Variants in LYPLAL1 observed in about 807,000 individuals in gnomAD.
The protein encoded by LYPLAL1 is lysophospholipase like 1.
A neutral mutation model predicts 19.7 loss-of-function variants in LYPLAL1; 23 were observed. That is an observed-to-expected ratio of 1.17 (90% CI 0.84 to 1.65). LYPLAL1 has a LOEUF of 1.65. Among genes scored for constraint, LYPLAL1 ranks in the 40% most tolerant of loss-of-function variants. The pLI is 0.00. For synonymous variants in LYPLAL1, 119 were observed against 96.3 expected (o/e 1.24, Z -1.38); for missense variants, 355 against 279.4 (o/e 1.27, Z -1.93).
At chr1:219,268,735 ACT>A in the LYPLAL1 span, among the ~76,000 whole-genome samples, 298 of 152,244 alleles carry the variant, frequency 2.0e-3, 3 homozygotes, top group African/African-American at 6.9e-3. Flanking sequence ...CTCTAGGGAA[ACT>A]CTTGTCAATT....
At chr1:219,191,773 C>T (rs1657202384) in intron 2 of LYPLAL1, among the ~76,000 whole-genome samples, 1 of 151,410 alleles carries the variant, frequency 6.6e-6, no homozygotes, top group South Asian at 2.1e-4. Context: ...TATGTATCTG[C>T]ATAAACTTAG....
At chr1:219,387,971 G>A in the LYPLAL1 span, among the ~76,000 whole-genome samples, 1 of 152,140 alleles carries the variant, frequency 6.6e-6, no homozygotes, top group African/African-American at 2.4e-5. Context: ...ATCAGCCTTA[G>A]CCTAAACACC....
chr1:219,242,735 A>T, the LYPLAL1 span, among the ~76,000 whole-genome samples: 1 of 150,852 alleles, frequency 6.6e-6, no homozygotes, highest in Non-Finnish European at 1.5e-5. Flanking sequence ...ATATATAAAT[A>T]TAGTTGTAAA....
intron 3 of LYPLAL1, among the ~76,000 whole-genome samples, chr1:219,205,132 T>G (rs993244732): frequency 1.3e-5 from 2 of 150,684 alleles, no homozygotes; most frequent in South Asian, 2.1e-4. Flanking sequence ...CCGAGGCGGG[T>G]GGATCATGAG....
the LYPLAL1 span, among the ~76,000 whole-genome samples, chr1:219,256,832 A>G: frequency 6.6e-6 from 1 of 152,050 alleles, no homozygotes; most frequent in South Asian, 2.1e-4. Flanking sequence ...ATCAAGAAGT[A>G]TACTACTTCT....
chr1:219,346,426 G>A, the LYPLAL1 span, among the ~76,000 whole-genome samples: 33 of 148,612 alleles, frequency 2.2e-4, no homozygotes, highest in Non-Finnish European at 3.9e-4. Flanking sequence ...ACAAACATAA[G>A]TTTCAACTTT....
At position 219,210,660 on chromosome 1, in the gene LYPLAL1, T is replaced by C; in HGVS notation, c.477+13T>C. 2.5e-6 allele frequency: 4 copies of C among 1,590,302 alleles called. No individual in the cohort carries two copies. Among genetic ancestry groups the C allele is most frequent in the Non-Finnish European group, 3.4e-6 (4 of 1,171,508 alleles). Reference sequence around the variant, plus strand: ...TGCTGTTTACCAGGTAAGTTCCAGATTTAAAAAAAAATGAAAAAAATATGA... The same window carrying C: ...TGCTGTTTACCAGGTAAGTTCCAGACTTAAAAAAAAATGAAAAAAATATGA... On this transcript the variant is annotated intron_variant, in intron 4 of 4. Coordinates refer to ENST00000366928, the MANE Select transcript of LYPLAL1 (RefSeq NM_138794.5).
At chr1:219,380,423 G>A in the LYPLAL1 span, among the ~76,000 whole-genome samples, 1 of 152,350 alleles carries the variant, frequency 6.6e-6, no homozygotes, top group South Asian at 2.1e-4. Flanking sequence ...CATTGGAAGA[G>A]TCCTGGGGAG....
At chr1:219,282,885 A>G in the LYPLAL1 span, among the ~76,000 whole-genome samples, 6 of 152,222 alleles carry the variant, frequency 3.9e-5, no homozygotes, top group Non-Finnish European at 8.8e-5. Context: ...GTTCATGATT[A>G]CAGCAGAGTG....
the LYPLAL1 span, among the ~76,000 whole-genome samples, chr1:219,330,157 A>G: frequency 6.6e-6 from 1 of 152,214 alleles, no homozygotes; most frequent in Non-Finnish European, 1.5e-5. Context: ...TTCCATAGAC[A>G]GAGCATAGCT....
chr1:219,400,299 A>G, the LYPLAL1 span, among the ~76,000 whole-genome samples: 1 of 151,788 alleles, frequency 6.6e-6, no homozygotes, highest in Non-Finnish European at 1.5e-5. Context: ...CCCTTTCTCA[A>G]TGTAAATTTT....
At chr1:219,189,541 C>T (rs983343516) in intron 2 of LYPLAL1, among the ~76,000 whole-genome samples, 1 of 151,582 alleles carries the variant, frequency 6.6e-6, no homozygotes, top group East Asian at 1.9e-4. Flanking sequence ...TTTCTGCCTT[C>T]TCTCCCCTTC....
the LYPLAL1 span, among the ~76,000 whole-genome samples, chr1:219,309,999 T>C: frequency 3.6e-3 from 545 of 152,332 alleles, 6 homozygotes; most frequent in African/African-American, 0.012. Context: ...ATTTCTTATT[T>C]AATGAAGATA....
At chr1:219,174,752 C>A (rs1401714640) in intron 1 of LYPLAL1, among the ~76,000 whole-genome samples, 1 of 152,068 alleles carries the variant, frequency 6.6e-6, no homozygotes, top group South Asian at 2.1e-4. Context: ...ACCTTTGCAC[C>A]CCCAGTGCTT....
At chr1:219,316,762 A>G in the LYPLAL1 span, among the ~76,000 whole-genome samples, 1 of 152,220 alleles carries the variant, frequency 6.6e-6, no homozygotes, top group South Asian at 2.1e-4. Context: ...TTAATCTTGC[A>G]GACACTACAT....
At chr1:219,292,351 T>A in the LYPLAL1 span, among the ~76,000 whole-genome samples, 4 of 152,200 alleles carry the variant, frequency 2.6e-5, no homozygotes, top group Non-Finnish European at 2.9e-5. Context: ...TAATCCTAGA[T>A]TCTCAGTAAT....
At chr1:219,201,948 A>G (rs1338155499) in intron 3 of LYPLAL1, among the ~76,000 whole-genome samples, 1 of 152,164 alleles carries the variant, frequency 6.6e-6, no homozygotes, top group Non-Finnish European at 1.5e-5. Context: ...GTGGTTGTTT[A>G]TCTTAGTGAT....
At chr1:219,193,770 T>C (rs1657387375) in intron 3 of LYPLAL1, among the ~76,000 whole-genome samples, 1 of 151,834 alleles carries the variant, frequency 6.6e-6, no homozygotes, top group Non-Finnish European at 1.5e-5. Flanking sequence ...TAATACCTTT[T>C]TCTGTTTCTG....
chr1:219,308,667 A>G, the LYPLAL1 span, among the ~76,000 whole-genome samples: 1 of 152,166 alleles, frequency 6.6e-6, no homozygotes, highest in African/African-American at 2.4e-5. Context: ...CAGCTTCCAC[A>G]TGATTTTGAG....
Sources: allele counts gnomAD v4.1 joint callset (sites outside exome capture counted in the v4.1 genomes callset), GRCh38; gene constraint gnomAD v4.1.1; transcripts MANE v1.5; gene names NCBI Gene and HGNC (gene_info 2026-07-23, HGNC 2026-07-21).